LY96: variants seen among roughly 807,000 people sequenced by gnomAD.
LY96 encodes the protein myeloid differentiation protein-2.
Under a neutral mutation model 18.9 loss-of-function variants are expected in LY96, and 18 were observed. The observed-to-expected ratio is 0.95, with a 90% CI of 0.66 to 1.41. LY96 has a LOEUF of 1.41. Among genes scored for constraint, LY96 ranks in the 40% most tolerant of loss-of-function variants. The pLI is 0.00. For synonymous variants in LY96, 66 were observed against 62.6 expected, an observed-to-expected ratio of 1.06 and a Z score of -0.26; for missense variants, 175 against 182.4, an observed-to-expected ratio of 0.96 and a Z score of 0.23.
chr8:73,996,372 C>CATTTCTTTCTTTCTTTCTTTCTTTCTTT (rs756373007), intron 1 of LY96, among the ~76,000 whole-genome samples: 10 of 111,006 alleles, frequency 9.0e-5, no homozygotes, highest in Non-Finnish European at 1.7e-4. Flanking sequence ...TTCCTTCATT[C>CATTTCTTTCTTTCTTTCTTTCTTTCTTT]CTTTCTTTCT....
the LY96 span, among the ~76,000 whole-genome samples, chr8:74,045,757 C>G: frequency 2.0e-5 from 3 of 152,028 alleles, no homozygotes; most frequent in African/African-American, 7.3e-5. Flanking sequence ...AAGCAAAAAG[C>G]GAAGACCGCC....
the LY96 span, among the ~76,000 whole-genome samples, chr8:74,065,991 T>C: frequency 1.3e-5 from 2 of 152,220 alleles, no homozygotes; most frequent in Non-Finnish European, 2.9e-5. Flanking sequence ...ATGTCTTTAT[T>C]TGCTAAATCT....
intron 2 of LY96, among the ~76,000 whole-genome samples, chr8:74,006,342 C>T (rs532586452): frequency 5.3e-5 from 8 of 152,162 alleles, no homozygotes; most frequent in Middle Eastern, 6.8e-3. Context: ...GGATTATAGG[C>T]ACCCACCACC....
the LY96 span, among the ~76,000 whole-genome samples, chr8:74,082,591 C>T: frequency 6.6e-6 from 1 of 152,154 alleles, no homozygotes; most frequent in Non-Finnish European, 1.5e-5. Flanking sequence ...TCTCACCCAT[C>T]GTAGGTTCAT....
chr8:74,010,570 T>C (rs1816509167), intron 3 of LY96, among the ~76,000 whole-genome samples: 1 of 152,214 alleles, frequency 6.6e-6, no homozygotes, highest in Admixed American at 6.5e-5. Context: ...ATGTGACTTT[T>C]GGCATGTTAT....
the LY96 span, among the ~76,000 whole-genome samples, chr8:74,041,014 T>C: frequency 6.6e-6 from 1 of 152,164 alleles, no homozygotes; most frequent in Admixed American, 6.5e-5. Flanking sequence ...AATATTTACT[T>C]AAAATTAGTG....
the LY96 span, among the ~76,000 whole-genome samples, chr8:74,042,858 C>T: frequency 6.6e-6 from 1 of 151,616 alleles, no homozygotes; most frequent in African/African-American, 2.4e-5. Context: ...CTCACTGCAA[C>T]CTCCACTTCC....
chr8:74,012,861 TG>T (rs1240988110), intron 3 of LY96, among the ~76,000 whole-genome samples: 1 of 152,044 alleles, frequency 6.6e-6, no homozygotes, highest in African/African-American at 2.4e-5. Context: ...AAAAGGTGTA[TG>T]TAAATAACAT....
the LY96 span, among the ~76,000 whole-genome samples, chr8:74,078,066 C>T: frequency 1.3e-4 from 19 of 150,570 alleles, no homozygotes; most frequent in Admixed American, 1.1e-3. Context: ...AGGGATTGTG[C>T]GACTGCACTC....
intron 4 of LY96, among the ~76,000 whole-genome samples, chr8:74,028,317 AT>A (rs564423272): frequency 9.9e-5 from 15 of 150,870 alleles, no homozygotes; most frequent in East Asian, 3.9e-4. Context: ...TTTCCGCTTC[AT>A]TTTTTTTTCC....
At chr8:73,998,436 G>C (rs1262837123) in intron 1 of LY96, among the ~76,000 whole-genome samples, 2 of 151,952 alleles carry the variant, frequency 1.3e-5, no homozygotes, top group African/African-American at 4.8e-5. Flanking sequence ...AGTGCTTTGA[G>C]AGGCTGAAGT....
chr8:74,087,605 A>G, the LY96 span, among the ~76,000 whole-genome samples: 1 of 152,174 alleles, frequency 6.6e-6, no homozygotes, highest in Non-Finnish European at 1.5e-5. Context: ...TTTGCCGTAA[A>G]GGGCCTCAAA....
chr8:74,076,219 C>T, the LY96 span, among the ~76,000 whole-genome samples: 3 of 151,812 alleles, frequency 2.0e-5, no homozygotes, highest in Non-Finnish European at 2.9e-5. Context: ...AAGGGTATCT[C>T]GGTGATGCCC....
intron 1 of LY96, among the ~76,000 whole-genome samples, chr8:73,992,085 A>G (rs909716727): frequency 6.6e-6 from 1 of 152,180 alleles, no homozygotes; most frequent in African/African-American, 2.4e-5. Flanking sequence ...GTGATTTTAT[A>G]GTCTACTTGA....
chr8:73,991,888 C>CA (rs1314076608), intron 1 of LY96, among the ~76,000 whole-genome samples: 1 of 151,892 alleles, frequency 6.6e-6, no homozygotes, highest in African/African-American at 2.4e-5. Flanking sequence ...TCAGCCTTGA[C>CA]ACTTACTAGT....
intron 3 of LY96, among the ~76,000 whole-genome samples, chr8:74,018,243 AAAAT>A (rs879923571): frequency 1.1e-4 from 16 of 152,218 alleles, no homozygotes; most frequent in Admixed American, 2.6e-4. Context: ...AAAAATAAAA[AAAAT>A]AAATAAATAA....
At chr8:74,045,596 T>C in the LY96 span, among the ~76,000 whole-genome samples, 2 of 152,118 alleles carry the variant, frequency 1.3e-5, no homozygotes, top group African/African-American at 4.8e-5. Flanking sequence ...GAGAGTTTAA[T>C]AAAGGGAATG....
chr8:73,994,361 T>C (rs1426570868), intron 1 of LY96, among the ~76,000 whole-genome samples: 2 of 152,214 alleles, frequency 1.3e-5, no homozygotes, highest in Non-Finnish European at 2.9e-5. Flanking sequence ...ATGCATCACC[T>C]GTGGGAAGCA....
Position 74,008,991 on chromosome 8 carries a change from G to A in LY96, c.203-1010G>A, listed in dbSNP as rs148589823. 3.4e-4 allele frequency among the ~76,000 whole-genome samples: 52 copies of A among 152,334 alleles called. No individual in the cohort carries two copies. In the East Asian group the frequency reaches 9.3e-3, roughly 27 times the overall value. Reference sequence around the variant, plus strand: ...TAAGCATAGCCAAGTTCAAATTAAAGTTAGAAAAGTTGTCTTTTGATTATG... The same window carrying A: ...TAAGCATAGCCAAGTTCAAATTAAAATTAGAAAAGTTGTCTTTTGATTATG... On this transcript the variant is annotated intron_variant, in intron 2 of 4. Coordinates refer to ENST00000284818, the MANE Select transcript of LY96 (RefSeq NM_015364.5).
Sources: allele counts gnomAD v4.1 joint callset (sites outside exome capture counted in the v4.1 genomes callset), GRCh38; gene constraint gnomAD v4.1.1; transcripts MANE v1.5; gene names NCBI Gene and HGNC (gene_info 2026-07-23, HGNC 2026-07-21).